The following DEPDC7 variants were observed in gnomAD, a reference collection of about 807,000 sequenced individuals.
The protein encoded by DEPDC7 is DEP domain-containing protein 7.
DEPDC7 carries 41 observed loss-of-function variants against 56.6 expected under a neutral mutation model. The observed-to-expected ratio is 0.72, with a 90% CI of 0.56 to 0.94. The LOEUF (loss-of-function observed/expected upper bound fraction) is 0.94, where lower values mean the gene tolerates loss of function less well. Among genes scored for constraint, DEPDC7 ranks in the 40% least tolerant of loss-of-function variants. The pLI, the probability that DEPDC7 is intolerant of heterozygous loss-of-function variation, is 0.00. For missense variants in DEPDC7, 522 were observed against 596.3 expected (o/e 0.88, Z 1.30); for synonymous variants, 185 against 208.8 (o/e 0.89, Z 0.98).
chr11:33,025,944 A>C lies in DEPDC7; in HGVS notation c.359A>C (p.Lys120Thr), dbSNP rs573702016. ...CCAACCAAAGTCTTTGGAAAAGACA[A>C]AAAACCTACATTTGAAGATAGTAGT... The part of the protein sequence containing the change: ...AVPTKVFGKD[K>T]KPTFEDSSCS... Residue 120 changes from lysine (K) to threonine (T), a missense_variant, in exon 2 of 9, where the codon AAA becomes ACA. Lys to Thr is a moderately conservative substitution (Grantham distance 78, BLOSUM62 -1). Transcript: ENST00000241051. The C allele has an allele frequency of 3.7e-6, 6 of 1,614,156 alleles. No individual in the cohort carries two copies. In the East Asian group the frequency reaches 1.3e-4, roughly 36 times the overall value.
Position 33,028,671 on chromosome 11 carries a change from G to C in DEPDC7, c.661G>C (p.Asp221His). The change falls in exon 4 of 9, where the codon GAC (aspartate) becomes CAC (histidine). Residue 221 changes from aspartate (D) to histidine (H), a missense_variant. Physicochemically the swap from Asp to His is moderately conservative, Grantham distance 81. Transcript: ENST00000241051. ...LLQLVDLPLL[D>H]SLLKQQEAVP... ...ACAACTTGTAGACCTTCCACTTCTT[G>C]ACTCCTTACTGAAACAGCAAGAGGC... is the stretch of plus-strand genomic sequence containing the variant. 1.2e-6 allele frequency: 2 copies of C among 1,613,762 alleles called. No individual in the cohort carries two copies. Among genetic ancestry groups the C allele is most frequent in the Middle Eastern group, 1.7e-4 (1 of 6,060 alleles).
chr11:33,031,734 T>C, intron 5 of DEPDC7, 145 bp downstream of exon 5: 1 of 691,336 alleles, frequency 1.4e-6, no homozygotes, highest in Non-Finnish European at 2.4e-6. Context: ...TTCAAAAACT[T>C]CTAGGGGTCA....
chr11:33,032,706 A>T lies in DEPDC7; in HGVS notation c.1176A>T (p.Lys392Asn). Residue 392 changes from lysine to asparagine, a missense_variant, in exon 7 of 9, where the codon AAA becomes AAT. Physicochemically the swap from Lys to Asn is moderately conservative, Grantham distance 94. Coordinates refer to ENST00000241051, the MANE Select transcript of DEPDC7 (RefSeq NM_001077242.2). ...NRMVVKRIFS[K>N]AIVDNKNLSK... ...TGGTTGTGAAAAGGATATTCTCAAAAGCTATTGTTGACAATAAAAATTTAT... is the reference window on the plus strand; with the variant it reads ...TGGTTGTGAAAAGGATATTCTCAAATGCTATTGTTGACAATAAAAATTTAT... 6.2e-7 allele frequency: 1 copy of T among 1,604,278 alleles called. No homozygotes were observed. Among genetic ancestry groups the T allele is most frequent in the Non-Finnish European group, 8.5e-7 (1 of 1,174,642 alleles).
chr11:33,018,036 T>C (rs2133656344), intron 1 of DEPDC7, among the ~76,000 whole-genome samples: 1 of 152,352 alleles, frequency 6.6e-6, no homozygotes, highest in South Asian at 2.1e-4. Context: ...CTTTTGCTGA[T>C]AATTCTCGTA....
At chr11:33,016,599 C>T (rs199606368) in intron 1 of DEPDC7, 19 of 1,611,922 alleles carry the variant, frequency 1.2e-5, no homozygotes, top group Non-Finnish European at 1.5e-5. Flanking sequence ...TTTATTAACA[C>T]TTTATGTATA....
chr11:33,020,923 CTT>C (rs558839979), intron 1 of DEPDC7, among the ~76,000 whole-genome samples: 7 of 152,212 alleles, frequency 4.6e-5, no homozygotes, highest in Non-Finnish European at 7.3e-5. Flanking sequence ...TCTCTAAACT[CTT>C]TGATTCCATT....
intron 1 of DEPDC7, chr11:33,016,647 AAC>A (rs1853465755): frequency 1.3e-6 from 2 of 1,565,624 alleles, no homozygotes; most frequent in Non-Finnish European, 8.8e-7. Context: ...TGGCTAAAAA[AAC>A]AGTTACATGA....
At chr11:33,017,682 G>A (rs777053559) in intron 1 of DEPDC7, among the ~76,000 whole-genome samples, 2 of 152,186 alleles carry the variant, frequency 1.3e-5, no homozygotes, top group Admixed American at 6.5e-5. Flanking sequence ...GGAGCACACG[G>A]TTATTGGTTC....
In DEPDC7 at chr11:33,027,713, C is replaced by A; in HGVS notation, c.492C>A (p.Ser164=). 6.4e-7 allele frequency: 1 copy of A among 1,550,928 alleles called. No homozygotes were observed. The highest frequency in any genetic ancestry group is 2.3e-5 in the Admixed American group (1 of 43,410). The part of the protein sequence containing the change: ...ARYADALFKS[S]DIRSASLEDL... ...ATGCAGATGCATTATTTAAGTCATC[C>A]GATATCAGATCAGCCAGTTTAGAGG... The change falls in exon 3 of 9, where the codon TCC becomes TCA. Residue 164 remains serine, a synonymous_variant. Transcript: ENST00000241051.
In DEPDC7 at chr11:33,033,176, CAT is replaced by C. The variant is rs1333532133; in HGVS notation, c.1343-84_1343-83del. On this transcript the variant is annotated intron_variant, in intron 8 of 8. Transcript: ENST00000241051. ...CATATTACAAAATGGGGAAGAAAAA[CAT>C]AAAGACAAGAATATTGCTTGATTTT... 2.7e-6 allele frequency: 3 copies of C among 1,130,436 alleles called. No individual in the cohort carries two copies. The East Asian group carries it at 7.4e-5, about 28-fold the overall frequency. 70.0% of individuals were successfully genotyped at this position (1,130,436 alleles called of 1,614,324 possible).
At chr11:33,021,881 A>G (rs1323270742) in intron 1 of DEPDC7, among the ~76,000 whole-genome samples, 1 of 152,168 alleles carries the variant, frequency 6.6e-6, no homozygotes, top group Non-Finnish European at 1.5e-5. Flanking sequence ...ACAAGTTAAT[A>G]TGGGGAAATT....
chr11:33,021,278 G>C (rs61887015), intron 1 of DEPDC7, among the ~76,000 whole-genome samples: 1 of 151,566 alleles, frequency 6.6e-6, no homozygotes, highest in African/African-American at 2.4e-5. Context: ...AAAAGAAAAT[G>C]CTTGACCAAA....
Position 33,025,889 on chromosome 11 carries a change from C to G in DEPDC7, c.304C>G (p.Leu102Val), listed in dbSNP as rs768102857. Residue 102 changes from leucine (L) to valine (V), a missense_variant, in exon 2 of 9, where the codon CTT (leucine) becomes GTT (valine). Leu to Val is a conservative substitution (Grantham distance 32). Transcript: ENST00000241051. ...RAKVVRVCQALMDYKVFEAVP... is the reference protein window; with the variant it reads ...RAKVVRVCQAVMDYKVFEAVP... The stretch of plus-strand genomic sequence containing the variant: ...CAAAGTGGTGAGAGTGTGTCAAGCG[C>G]TTATGGACTACAAAGTATTTGAAGC... The G allele has an allele frequency of 6.2e-7, 1 of 1,614,108 alleles. No individual in the cohort carries two copies. Among genetic ancestry groups the G allele is most frequent in the Non-Finnish European group, 8.5e-7 (1 of 1,180,012 alleles).
intron 1 of DEPDC7, among the ~76,000 whole-genome samples, chr11:33,018,056 A>T (rs976173129): frequency 1.8e-4 from 27 of 152,100 alleles, no homozygotes; most frequent in Non-Finnish European, 5.9e-5. Context: ...AGATATTGTA[A>T]ATTTTTCTTG....
At chr11:33,030,946 T>C (rs893810895) in intron 4 of DEPDC7, among the ~76,000 whole-genome samples, 3 of 152,210 alleles carry the variant, frequency 2.0e-5, no homozygotes, top group East Asian at 3.8e-4. Flanking sequence ...GGAGAGCTAA[T>C]AGATCATAGA....
At chr11:33,016,486 C>T (rs2133654762) in intron 1 of DEPDC7, 3 of 1,609,994 alleles carry the variant, frequency 1.9e-6, no homozygotes. Context: ...CTTTGTTCTC[C>T]AGACTGCTAG....
intron 2 of DEPDC7, chr11:33,026,305 GTTCTCATAC>G (rs568264163): frequency 2.6e-4 from 127 of 481,412 alleles, no homozygotes; most frequent in Admixed American, 1.9e-3. Context: ...TGTAAAAAGT[GTTCTCATAC>G]CACTTGGTAT....
At chr11:33,022,420 C>T (rs1404652368) in intron 1 of DEPDC7, among the ~76,000 whole-genome samples, 1 of 152,134 alleles carries the variant, frequency 6.6e-6, no homozygotes, top group Admixed American at 6.5e-5. Flanking sequence ...ATATATTTAT[C>T]AGCTGTGTAA....
intron 1 of DEPDC7, 38 bp from the exon 2 acceptor site, chr11:33,025,621 A>G: frequency 6.4e-7 from 1 of 1,569,676 alleles, no homozygotes; most frequent in Non-Finnish European, 8.7e-7. Flanking sequence ...TGAACAAGGT[A>G]CTAAATCCCA....
Sources: allele counts gnomAD v4.1 joint callset (sites outside exome capture counted in the v4.1 genomes callset), GRCh38; gene constraint gnomAD v4.1.1; transcripts MANE v1.5; gene names NCBI Gene and HGNC (gene_info 2026-07-23, HGNC 2026-07-21).